Variants in MAN1B1 observed in about 807,000 individuals in gnomAD.
The protein encoded by MAN1B1 is mannosidase alpha class 1B member 1, also known as endoplasmic reticulum mannosyl-oligosaccharide 1,2-alpha-mannosidase.
Under a neutral mutation model 75.5 loss-of-function variants are expected in MAN1B1, and 66 were observed. That is an observed-to-expected ratio of 0.87 (90% CI 0.72 to 1.07). The LOEUF (loss-of-function observed/expected upper bound fraction) is 1.07. Ranked by LOEUF, MAN1B1 falls within the 50% of genes least tolerant of loss-of-function variation. MAN1B1 has a pLI of 0.00. For synonymous variants in MAN1B1, 453 were observed against 382.8 expected, an observed-to-expected ratio of 1.18 and a Z score of -2.14; for missense variants, 973 against 912.5, an observed-to-expected ratio of 1.07 and a Z score of -0.85.
intron 3 of MAN1B1, chr9:137,089,416 G>A (rs879866176): frequency 1.6e-4 from 45 of 286,934 alleles, no homozygotes; most frequent in South Asian, 4.0e-4. Context: ...CCGTGGCACT[G>A]AGGGCAAGAT....
chr9:137,096,823 CAG>C (rs1361031771), intron 4 of MAN1B1, among the ~76,000 whole-genome samples: 1 of 152,234 alleles, frequency 6.6e-6, no homozygotes, highest in Non-Finnish European at 1.5e-5. Context: ...TAGTGGATCC[CAG>C]TGGAGCTTCG....
intron 10 of MAN1B1, 86 bp from the exon 11 acceptor site, chr9:137,107,164 G>A (rs1246312785): frequency 2.7e-5 from 39 of 1,432,714 alleles, no homozygotes; most frequent in Middle Eastern, 4.2e-4. Context: ...CCGAGGCAGC[G>A]CTGGGCTCCC....
At chr9:137,097,750 G>T (rs563467066) in intron 4 of MAN1B1, 78 bp from the exon 5 acceptor site, 1 of 1,123,886 alleles carries the variant, frequency 8.9e-7, no homozygotes, top group South Asian at 1.3e-5. Context: ...CCTTGGCCGT[G>T]GGTATGGAGC....
rs761002142 is a variant in MAN1B1 at position 137,099,751 on chromosome 9, A to C, written c.786A>C (p.Lys262Asn). ...GVIDVFLHAW[K>N]GYRKFAWGHD... ...TTGACGTCTTCCTGCATGCATGGAA[A>C]GGATACCGCAAGTTTGCATGGGGCC... is the stretch of plus-strand genomic sequence containing the variant. The change falls in exon 6 of 13, where the codon AAA (lysine) becomes AAC (asparagine). Residue 262 changes from lysine to asparagine, a missense_variant. Transcript: ENST00000371589. The C allele has an allele frequency of 6.2e-6, 10 of 1,614,116 alleles. No homozygotes were observed. The highest frequency in any genetic ancestry group is 8.5e-6 in the Non-Finnish European group (10 of 1,180,058).
intron 8 of MAN1B1, chr9:137,102,296 G>A: frequency 2.6e-6 from 1 of 389,844 alleles, no homozygotes; most frequent in Non-Finnish European, 4.9e-6. Flanking sequence ...CACTGTTGCA[G>A]GCGTGCAGGT....
In MAN1B1 at chr9:137,106,226, C is replaced by G; in HGVS notation, c.1356C>G (p.His452Gln). The change falls in exon 9 of 13, where the codon CAC becomes CAG. Residue 452 changes from histidine to glutamine, a missense_variant. Coordinates refer to ENST00000371589, the MANE Select transcript of MAN1B1 (RefSeq NM_016219.5). ...FINTHSGLFT[H>Q]LGVFTLGARA... Reference sequence around the variant, plus strand: ...ATACCCACAGTGGCCTCTTCACCCACCTGGGCGTATTCACGCTGGGCGCCA... The same window carrying G: ...ATACCCACAGTGGCCTCTTCACCCAGCTGGGCGTATTCACGCTGGGCGCCA... 1.2e-6 allele frequency: 2 copies of G among 1,607,230 alleles called. No homozygotes were observed. The highest frequency in any genetic ancestry group is 2.2e-5 in the South Asian group (2 of 89,784).
In MAN1B1 at chr9:137,087,061, C is replaced by G. The variant is rs1225227602; in HGVS notation, c.62C>G (p.Thr21Arg). The change falls in exon 1 of 13, where the codon ACG (threonine) becomes AGG (arginine). Residue 21 changes from threonine to arginine, a missense_variant. By Grantham distance (71) the Thr-to-Arg change is moderately conservative. Coordinates refer to ENST00000371589, the MANE Select transcript of MAN1B1 (RefSeq NM_016219.5). ...GGTTCCTCTCAGTCGGACTTCCTGA[C>G]GCCGCCAGTGGGCGGGGCCCCTTGG... ...ALGSSQSDFL[T>R]PPVGGAPWAV... 3.1e-6 allele frequency: 5 copies of G among 1,604,092 alleles called. 1 individual carries two copies. The highest frequency in any genetic ancestry group is 4.2e-6 in the Non-Finnish European group (5 of 1,176,984).
rs1170812721 is a variant in MAN1B1, at chr9:137,108,162, G to C, written c.1897-226G>C. 8.1e-6 allele frequency: 5 copies of C among 614,922 alleles called. No homozygotes were observed. In the Admixed American group the frequency reaches 8.4e-5, roughly 10 times the overall value. The allele number at this position is 614,922 out of a possible 1,614,324, so 38.1% of individuals were successfully genotyped here. On this transcript the variant is annotated intron_variant, in intron 12 of 12. Transcript: ENST00000371589. ...GTGAGGCCCCCTGAGCCCAGGTTCT[G>C]GGGGAGGCGGTTTCTGTCGTGGTCA...
At chr9:137,101,300 A>C in intron 7 of MAN1B1, 147 bp downstream of exon 7, 2 of 1,208,680 alleles carry the variant, frequency 1.7e-6, no homozygotes, top group Non-Finnish European at 2.4e-6. Context: ...TCGTGAGCTG[A>C]TGAAGCCACT....
intron 3 of MAN1B1, 71 bp from the exon 4 acceptor site, chr9:137,096,166 C>A: frequency 2.0e-6 from 3 of 1,524,236 alleles, no homozygotes; most frequent in South Asian, 1.1e-5. Context: ...CACCTGAGGG[C>A]GTCCCATAGA....
intron 5 of MAN1B1, among the ~76,000 whole-genome samples, chr9:137,098,858 T>A (rs116320628): frequency 1.9e-3 from 291 of 152,118 alleles, no homozygotes; most frequent in African/African-American, 6.7e-3. Context: ...AAAAAGAAAT[T>A]TATATATATG....
rs773597890 is a variant in MAN1B1, at chr9:137,099,699, A to G, written c.734A>G (p.His245Arg). ...TGTGCTCTCTCCCCCCTACTAGTGC[A>G]TCTGAACTATCGCCAGAAGGGCGTG... is the stretch of plus-strand genomic sequence containing the variant. ...PPARTQGTPV[H>R]LNYRQKGVID... Residue 245 changes from histidine (H) to arginine (R), a missense_variant, in exon 6 of 13, where the codon CAT (histidine) becomes CGT (arginine). Physicochemically the swap from His to Arg is conservative, Grantham distance 29 (BLOSUM62 0). Coordinates refer to ENST00000371589, the MANE Select transcript of MAN1B1 (RefSeq NM_016219.5). 5.2e-5 allele frequency: 84 copies of G among 1,614,176 alleles called. No individual in the cohort carries two copies. The South Asian group carries it at 8.9e-4, about 17-fold the overall frequency.
intron 8 of MAN1B1, 71 bp from the exon 9 acceptor site, chr9:137,106,054 A>G (rs968239928): frequency 8.0e-7 from 1 of 1,247,606 alleles, no homozygotes; most frequent in East Asian, 2.4e-5. Flanking sequence ...CAGAGCTCAC[A>G]GAGCCCCTCT....
chr9:137,097,847 G>A lies in MAN1B1; in HGVS notation c.640G>A (p.Glu214Lys), dbSNP rs1004898312. The change falls in exon 5 of 13, where the codon GAG becomes AAG. Residue 214 changes from glutamate to lysine, a missense_variant. Coordinates refer to ENST00000371589, the MANE Select transcript of MAN1B1 (RefSeq NM_016219.5). ...CCGAAGCTGGAGGGGAGCGGTGATC[G>A]AGCCTGAGCAGGGCACCGAGCTCCC... The part of the protein sequence containing the change: ...TVISWRGAVI[E>K]PEQGTELPSR... 21 of 1,555,820 alleles carry A rather than the reference G, an allele frequency of 1.3e-5. No individual in the cohort carries two copies. The African/African-American group carries it at 1.6e-4, about 12-fold the overall frequency.
In MAN1B1 at chr9:137,106,336, C is replaced by A. The variant is rs772289803; in HGVS notation, c.1445+21C>A. 1.4e-5 allele frequency: 21 copies of A among 1,542,354 alleles called. No individual in the cohort carries two copies. In the South Asian group the frequency reaches 1.4e-4, roughly 11 times the overall value. On this transcript the variant is annotated intron_variant, in intron 9 of 12. Transcript: ENST00000371589. ...ACACAGTGAGGCCCGGCCCGCTGCC[C>A]CCAGCTCCCGCGGCTCCCCCGTTCC...
chr9:137,088,607 C>T, intron 2 of MAN1B1: 1 of 681,222 alleles, frequency 1.5e-6, no homozygotes, highest in Non-Finnish European at 2.4e-6. Context: ...TCCTGCCCAC[C>T]TGCCACATGC....
Position 137,096,302 on chromosome 9 carries a change from G to A in MAN1B1, c.531G>A (p.Leu177=), listed in dbSNP as rs780436499. The change falls in exon 4 of 13, where the codon CTG becomes CTA. Residue 177 remains leucine (L), a synonymous_variant. Transcript: ENST00000371589. ...AGATTAGACCCCCAAGCCAAGACCT[G>A]AAGGATGGGACCCAGGAGGAGGCCA... ...HLQIRPPSQD[L]KDGTQEEATK... is the part of the protein sequence containing the mutation. The A allele has an allele frequency of 3.7e-6, 6 of 1,613,994 alleles. No homozygotes were observed. The Admixed American group carries it at 5.0e-5, about 13-fold the overall frequency.
In MAN1B1 at chr9:137,109,045, G is replaced by C. The variant is rs1464508776; in HGVS notation, c.*454G>C. On this transcript the variant is annotated 3_prime_UTR_variant, in exon 13 of 13. Coordinates refer to ENST00000371589, the MANE Select transcript of MAN1B1 (RefSeq NM_016219.5). ...GCCTGAGGCTCCAGGGCTGGCTCTGGTGTTTACAAGCTGGACTCAGGGATC... is the reference window on the plus strand; with the variant it reads ...GCCTGAGGCTCCAGGGCTGGCTCTGCTGTTTACAAGCTGGACTCAGGGATC... The C allele has an allele frequency of 4.4e-6, 2 of 457,954 alleles. No individual in the cohort carries two copies. Among genetic ancestry groups the C allele is most frequent in the Admixed American group, 4.7e-5 (2 of 42,596 alleles). The allele number at this position is 457,954 out of a possible 1,614,324, so 28.4% of individuals were successfully genotyped here. A position where few individuals can be genotyped will look rare whatever the true frequency, so the allele number is the denominator to read the frequency against.
chr9:137,089,897 G>A (rs1441421985), intron 3 of MAN1B1, among the ~76,000 whole-genome samples: 1 of 152,152 alleles, frequency 6.6e-6, no homozygotes, highest in East Asian at 1.9e-4. Context: ...TGTCTGGGAG[G>A]CGCCATGGAG....
Sources: allele counts gnomAD v4.1 joint callset (sites outside exome capture counted in the v4.1 genomes callset), GRCh38; gene constraint gnomAD v4.1.1; transcripts MANE v1.5; gene names NCBI Gene and HGNC (gene_info 2026-07-23, HGNC 2026-07-21).